Variants in ANKRD44 observed in about 807,000 individuals in gnomAD.
The protein encoded by ANKRD44 is serine/threonine-protein phosphatase 6 regulatory ankyrin repeat subunit B.
A neutral mutation model predicts 116.0 loss-of-function variants in ANKRD44; 35 were observed. The observed-to-expected ratio is 0.30, with a 90% confidence interval of 0.23 to 0.40. The LOEUF is 0.40. Ranked by LOEUF, ANKRD44 falls within the 10% of genes least tolerant of loss-of-function variation. The pLI, the probability that ANKRD44 is intolerant of heterozygous loss-of-function variation, is 1.00. For synonymous variants in ANKRD44, 435 were observed against 461.8 expected, an observed-to-expected ratio of 0.94 and a Z score of 0.74; for missense variants, 1,014 against 1,242.6, an observed-to-expected ratio of 0.82 and a Z score of 2.77.
chr2:197,011,107 T>C (rs1215025160), intron 18 of ANKRD44, among the ~76,000 whole-genome samples: 1 of 152,236 alleles, frequency 6.6e-6, no homozygotes, highest in Non-Finnish European at 1.5e-5. Context: ...TTTTTTGTTC[T>C]TACAATTACA....
chr2:197,234,042 T>A (rs868101524), intron 1 of ANKRD44, among the ~76,000 whole-genome samples: 5 of 152,180 alleles, frequency 3.3e-5, no homozygotes, highest in African/African-American at 1.2e-4. Context: ...TTAAATAAAT[T>A]TTTTAAAGTT....
chr2:197,202,712 T>C (rs983988919), intron 1 of ANKRD44, among the ~76,000 whole-genome samples: 2 of 152,124 alleles, frequency 1.3e-5, no homozygotes, highest in African/African-American at 4.8e-5. Flanking sequence ...TAGCTGGGAC[T>C]ACAGGTGTGC....
chr2:197,276,397 C>T (rs541440507), intron 1 of ANKRD44, among the ~76,000 whole-genome samples: 5 of 151,196 alleles, frequency 3.3e-5, no homozygotes, highest in Non-Finnish European at 7.4e-5. Context: ...ATCTCTATAA[C>T]ACACCTGTAT....
chr2:196,977,010 A>G (rs1452797487), intron 21 of ANKRD44, among the ~76,000 whole-genome samples: 1 of 152,158 alleles, frequency 6.6e-6, no homozygotes, highest in African/African-American at 2.4e-5. Context: ...TTAAAAAACA[A>G]TTGTACTTCT....
intron 14 of ANKRD44, 102 bp downstream of exon 14, chr2:197,083,267 C>G: frequency 6.9e-7 from 1 of 1,440,810 alleles, no homozygotes; most frequent in Non-Finnish European, 9.3e-7. Flanking sequence ...TTGGGTTAGT[C>G]TAACTCTTTT....
chr2:197,219,186 C>T (rs1490701821), intron 1 of ANKRD44, among the ~76,000 whole-genome samples: 1 of 151,466 alleles, frequency 6.6e-6, no homozygotes, highest in Non-Finnish European at 1.5e-5. Context: ...TCTTCTGCCT[C>T]AGCCTCCCGA....
chr2:197,107,036 T>C (rs1054842814), intron 9 of ANKRD44, among the ~76,000 whole-genome samples: 6 of 152,168 alleles, frequency 3.9e-5, no homozygotes, highest in African/African-American at 1.4e-4. Flanking sequence ...GCAAGTTAAA[T>C]ATTGGAGATT....
At chr2:197,308,493 C>T (rs2084141810) in intron 1 of ANKRD44, among the ~76,000 whole-genome samples, 1 of 152,114 alleles carries the variant, frequency 6.6e-6, no homozygotes, top group African/African-American at 2.4e-5. Context: ...CCCACCCCAC[C>T]CAGGCCACTT....
chr2:197,081,666 A>C lies in ANKRD44; in HGVS notation c.1517T>G (p.Leu506Arg), dbSNP rs1407428647. ...TTACAGTGTGGCTTCCTTTTCCTTC[A>C]GCTCCCTGGCTCTTTCAAGTTCTTC... The part of the protein sequence containing the change: ...NSEELERARE[L>R]KEKEATLCLE... Residue 506 changes from leucine (L) to arginine (R), a missense_variant, in exon 15 of 28, where the codon CTG becomes CGG. Physicochemically the swap from Leu to Arg is moderately radical, Grantham distance 102 (BLOSUM62 -2). Transcript: ENST00000282272. The C allele has an allele frequency of 6.2e-7, 1 of 1,613,918 alleles. No homozygotes were observed.
chr2:197,112,625 G>A (rs1341928846), intron 8 of ANKRD44, among the ~76,000 whole-genome samples: 1 of 150,742 alleles, frequency 6.6e-6, no homozygotes, highest in Non-Finnish European at 1.5e-5. Context: ...GGAGAATGGC[G>A]TGAACCCGGG....
chr2:197,241,005 G>T (rs1351043665), intron 1 of ANKRD44, among the ~76,000 whole-genome samples: 1 of 151,896 alleles, frequency 6.6e-6, no homozygotes, highest in Non-Finnish European at 1.5e-5. Context: ...TGGACTGGGG[G>T]TATGCAAAAT....
rs1292561055 is a variant in ANKRD44 at position 197,310,737 on chromosome 2, GCTC to G, written c.-136_-134del. 4 of 921,384 alleles carry G rather than the reference GCTC, an allele frequency of 4.3e-6. No homozygotes were observed. The East Asian group carries it at 2.5e-4, about 58-fold the overall frequency. 57.1% of individuals were successfully genotyped at this position (921,384 alleles called of 1,614,324 possible). ...TCCCGAATTTGACAGCCCTCCCCCT[GCTC>G]CTCCTCCGCCGCCGCCTCCTCCCGC... On this transcript the variant is annotated 5_prime_UTR_variant, in exon 1 of 28. Coordinates refer to ENST00000282272, the MANE Select transcript of ANKRD44 (RefSeq NM_001195144.2).
At chr2:196,973,278 A>G (rs568292871) in intron 21 of ANKRD44, among the ~76,000 whole-genome samples, 125 of 152,014 alleles carry the variant, frequency 8.2e-4, no homozygotes, top group African/African-American at 2.8e-3. Flanking sequence ...CTATTTTTAA[A>G]ATTGTGTTTT....
At chr2:197,281,348 C>T (rs2083259347) in intron 1 of ANKRD44, among the ~76,000 whole-genome samples, 1 of 152,240 alleles carries the variant, frequency 6.6e-6, no homozygotes, top group Admixed American at 6.5e-5. Context: ...TCCCCCACCC[C>T]CCATCACCAA....
chr2:197,146,932 G>C, intron 3 of ANKRD44, 95 bp downstream of exon 3: 1 of 1,004,070 alleles, frequency 1.0e-6, no homozygotes. Flanking sequence ...ACATAACAAA[G>C]GAATTTTGCT....
intron 8 of ANKRD44, among the ~76,000 whole-genome samples, chr2:197,114,150 G>A (rs2078653682): frequency 6.6e-6 from 1 of 152,198 alleles, no homozygotes; most frequent in South Asian, 2.1e-4. Context: ...TTATCATGCA[G>A]GGGTACTGGC....
chr2:196,973,142 T>A (rs1157267256), intron 21 of ANKRD44, among the ~76,000 whole-genome samples: 1 of 152,200 alleles, frequency 6.6e-6, no homozygotes, highest in African/African-American at 2.4e-5. Context: ...ATATTTTGGG[T>A]GAAAAATAGT....
chr2:197,081,762 T>G, intron 14 of ANKRD44, 37 bp from the exon 15 acceptor site: 17 of 1,491,992 alleles, frequency 1.1e-5, no homozygotes, highest in Non-Finnish European at 1.5e-5. Flanking sequence ...AAATTGCAAT[T>G]AATTTTTTAA....
At chr2:197,022,971 A>G (rs2076525285) in intron 17 of ANKRD44, among the ~76,000 whole-genome samples, 1 of 152,168 alleles carries the variant, frequency 6.6e-6, no homozygotes, top group Admixed American at 6.5e-5. Context: ...TGTCTCCCCT[A>G]GACTGGATAC....
Sources: allele counts gnomAD v4.1 joint callset (sites outside exome capture counted in the v4.1 genomes callset), GRCh38; gene constraint gnomAD v4.1.1; transcripts MANE v1.5; gene names NCBI Gene and HGNC (gene_info 2026-07-23, HGNC 2026-07-21).